Variants in NRAP observed in about 807,000 individuals in gnomAD.
The protein encoded by NRAP is nebulin-related-anchoring protein.
A neutral mutation model predicts 225.9 loss-of-function variants in NRAP; 189 were observed. That is an observed-to-expected ratio of 0.84 (90% confidence interval 0.74 to 0.94). The LOEUF (loss-of-function observed/expected upper bound fraction) is 0.94, where lower values mean the gene tolerates loss of function less well. Among genes scored for constraint, NRAP ranks in the 40% least tolerant of loss-of-function variants. The pLI is 0.00. For missense variants in NRAP, 2,176 were observed against 2,168.7 expected, an observed-to-expected ratio of 1.00 and a Z score of -0.07; for synonymous variants, 769 against 790.7, an observed-to-expected ratio of 0.97 and a Z score of 0.46.
chr10:113,641,739 T>C (rs547241550), intron 12 of NRAP, among the ~76,000 whole-genome samples: 1 of 152,346 alleles, frequency 6.6e-6, no homozygotes, highest in Admixed American at 6.5e-5. Flanking sequence ...CTTGACTTTC[T>C]GTGTTTGTTT....
intron 15 of NRAP, among the ~76,000 whole-genome samples, chr10:113,633,711 A>G (rs1848699891): frequency 6.6e-6 from 1 of 152,208 alleles, no homozygotes; most frequent in Non-Finnish European, 1.5e-5. Flanking sequence ...TTGATGTGAT[A>G]TGTTAAAATT....
At chr10:113,642,207 A>G (rs1849242459) in intron 12 of NRAP, among the ~76,000 whole-genome samples, 1 of 152,198 alleles carries the variant, frequency 6.6e-6, no homozygotes, top group Non-Finnish European at 1.5e-5. Context: ...AGGAACTATT[A>G]TCATCCCCAT....
chr10:113,604,564 G>C, intron 35 of NRAP, 45 bp downstream of exon 35: 1 of 1,561,998 alleles, frequency 6.4e-7, no homozygotes, highest in Non-Finnish European at 8.8e-7. Flanking sequence ...TTGGTGAAAG[G>C]AGAAAGGCTG....
rs765605243 is a variant in NRAP at position 113,606,220 on chromosome 10, G to T, written c.3765C>A (p.Pro1255=). ...CATTCGTTTTTGCTCGGATGAACTC[G>T]GGCAGACCCAGGGTCATTGTATACT... is the stretch of plus-strand genomic sequence containing the variant. ...RHEYTMTLGL[P]EFIRAKTNAA... The change falls in exon 33 of 42, where the codon CCC becomes CCA. Residue 1255 remains proline, a synonymous_variant. Coordinates refer to ENST00000359988, the MANE Select transcript of NRAP (RefSeq NM_198060.4). 1 of 1,614,130 alleles carries T rather than the reference G, an allele frequency of 6.2e-7. No homozygotes were observed. Among genetic ancestry groups the T allele is most frequent in the Non-Finnish European group, 8.5e-7 (1 of 1,179,978 alleles).
rs1376604570 is a variant in NRAP at position 113,623,617 on chromosome 10, C to T, written c.2369G>A (p.Trp790Ter). Residue 790 changes from tryptophan (W) to a stop codon, truncating the protein, a stop_gained, in exon 23 of 42, where the codon TGG becomes TAG. Coordinates refer to ENST00000359988, the MANE Select transcript of NRAP (RefSeq NM_198060.4). LOFTEE classifies it high-confidence loss of function. ...NLSEKLYKSS[W>*]ENQKAKGFEL... ...AAACCCTTTTGCTTTCTGGTTTTCC[C>T]AGCTGCTCTTATACAGTTTCTAAGG... is the stretch of plus-strand genomic sequence containing the variant. 1 of 1,613,660 alleles carries T rather than the reference C, an allele frequency of 6.2e-7. No homozygotes were observed. The highest frequency in any genetic ancestry group is 1.3e-5 in the African/African-American group (1 of 74,914).
At chr10:113,663,157 A>G (rs1250635960) in intron 2 of NRAP, among the ~76,000 whole-genome samples, 195 bp downstream of exon 2, 1 of 152,236 alleles carries the variant, frequency 6.6e-6, no homozygotes, top group Non-Finnish European at 1.5e-5. Flanking sequence ...TTTTACTTGG[A>G]AGAAATTTGA....
At chr10:113,616,657 C>T (rs1353673990) in intron 26 of NRAP, among the ~76,000 whole-genome samples, 1 of 152,134 alleles carries the variant, frequency 6.6e-6, no homozygotes, top group Non-Finnish European at 1.5e-5. Context: ...TCAAATAAAG[C>T]GCAACCAGAA....
chr10:113,603,592 G>A (rs1846740530), intron 35 of NRAP, among the ~76,000 whole-genome samples: 1 of 152,054 alleles, frequency 6.6e-6, no homozygotes, highest in South Asian at 2.1e-4. Context: ...GTCGGCGGTG[G>A]TTACAGTCTT....
At chr10:113,589,128 C>G (rs113256086) in intron 41 of NRAP, 49 bp from the exon 42 acceptor site, 54 of 1,502,692 alleles carry the variant, frequency 3.6e-5, no homozygotes, top group African/African-American at 1.6e-4. Context: ...CCCCCACCCC[C>G]ACTCCCGGCC....
At chr10:113,608,901 G>T (rs371051264) in intron 31 of NRAP, among the ~76,000 whole-genome samples, 1 of 152,198 alleles carries the variant, frequency 6.6e-6, no homozygotes, top group Non-Finnish European at 1.5e-5. Flanking sequence ...GCTCATGCCT[G>T]TAATCCCAGC....
intron 39 of NRAP, 59 bp from the exon 40 acceptor site, chr10:113,590,948 C>A: frequency 6.7e-7 from 1 of 1,487,738 alleles, no homozygotes. Context: ...GGACCAGCCT[C>A]ACATATGGGG....
intron 32 of NRAP, among the ~76,000 whole-genome samples, chr10:113,607,437 GAAAA>G (rs1847060324): frequency 4.6e-5 from 4 of 86,170 alleles, no homozygotes; most frequent in Non-Finnish European, 7.5e-5. Flanking sequence ...AAAAAAAAAA[GAAAA>G]GAAAGAAAGA....
chr10:113,617,801 C>T (rs1406442805), intron 25 of NRAP, among the ~76,000 whole-genome samples: 2 of 152,156 alleles, frequency 1.3e-5, no homozygotes, highest in Non-Finnish European at 2.9e-5. Flanking sequence ...TTAGGTTATA[C>T]TAGTAAAATA....
intron 3 of NRAP, among the ~76,000 whole-genome samples, chr10:113,658,678 T>G (rs1301513015): frequency 6.6e-6 from 1 of 151,942 alleles, no homozygotes; most frequent in African/African-American, 2.4e-5. Flanking sequence ...GTCAGGAGTT[T>G]GAGACCAGCC....
At position 113,629,588 on chromosome 10, in the gene NRAP, C is replaced by G. The variant is rs544107400; in HGVS notation, c.2040G>C (p.Glu680Asp). The change falls in exon 19 of 42, where the codon GAG becomes GAC. Residue 680 changes from glutamate to aspartate, a missense_variant and splice_region_variant. Transcript: ENST00000359988. Reference protein sequence around the residue: ...WAKKAYGLQSELQYKADLAWM... With the variant: ...WAKKAYGLQSDLQYKADLAWM... ...GAGAACTGATAATGTGTGGGCTCAC[C>G]TCGCTCTGGAGCCCATAGGCCTTCT... The G allele has an allele frequency of 2.5e-6, 4 of 1,600,932 alleles. No individual in the cohort carries two copies. The highest frequency in any genetic ancestry group is 1.3e-5 in the African/African-American group (1 of 74,720).
intron 35 of NRAP, among the ~76,000 whole-genome samples, chr10:113,600,630 C>T (rs1846543397): frequency 6.6e-6 from 1 of 152,282 alleles, no homozygotes; most frequent in South Asian, 2.1e-4. Context: ...CAGAATCCAG[C>T]CACCTGGGGA....
At chr10:113,632,388 A>G (rs188503655) in intron 16 of NRAP, among the ~76,000 whole-genome samples, 2 of 152,384 alleles carry the variant, frequency 1.3e-5, no homozygotes, top group Admixed American at 1.3e-4. Flanking sequence ...TGCCCTGGCA[A>G]TAACTACTGT....
intron 33 of NRAP, 35 bp downstream of exon 33, chr10:113,606,143 G>A: frequency 4.1e-6 from 6 of 1,452,686 alleles, no homozygotes; most frequent in Non-Finnish European, 5.8e-6. Flanking sequence ...CATGGCTTTG[G>A]AGCATGCTTG....
rs1458772598 is a variant in NRAP at position 113,590,578 on chromosome 10, A to C, written c.4956T>G (p.Asp1652Glu). 3.1e-6 allele frequency: 5 copies of C among 1,608,634 alleles called. No individual in the cohort carries two copies. The highest frequency in any genetic ancestry group is 8.5e-7 in the Non-Finnish European group (1 of 1,178,768). The change falls in exon 40 of 42, where the codon GAT (aspartate) becomes GAG (glutamate). Residue 1652 changes from aspartate (D) to glutamate (E), a missense_variant and splice_region_variant. Asp to Glu is a conservative substitution (Grantham distance 45). Around this residue, in one of 3 missense-constraint regions of NRAP, gnomAD observed 445 missense variants for 426.1 expected, o/e 1.04. Coordinates refer to ENST00000359988, the MANE Select transcript of NRAP (RefSeq NM_198060.4). ...AAGGGAGTGGGTGGAGGTGGCTCAC[A>C]TCACTCTGCAGCTGGTGGGCCTTCT... ...HAQKAHQLQSDVKYKSDLNLT... is the reference protein window; with the variant it reads ...HAQKAHQLQSEVKYKSDLNLT...
Sources: gnomAD v4.1 joint callset for allele counts (sites outside exome capture counted in the v4.1 genomes callset) on GRCh38, gnomAD v4.1.1 for gene constraint, gnomAD v4.1.1 regional missense constraint, MANE v1.5 for transcripts, NCBI Gene and HGNC (gene_info 2026-07-23, HGNC 2026-07-21) for gene names.